Variants in ADARB2 observed in about 807,000 individuals in gnomAD.
The protein encoded by ADARB2 is adenosine deaminase RNA specific B2 (inactive).
In ADARB2, 25 loss-of-function variants were observed where a neutral mutation model predicts 62.2. That is an observed-to-expected ratio of 0.40 (90% CI 0.29 to 0.56). The LOEUF (loss-of-function observed/expected upper bound fraction) is 0.56, where lower values mean the gene tolerates loss of function less well. Ranked by LOEUF, ADARB2 falls within the 20% of genes least tolerant of loss-of-function variation. The pLI is 0.43. For synonymous variants in ADARB2, 572 were observed against 500.8 expected (o/e 1.14, Z -1.90); for missense variants, 1,071 against 1,077.4 (o/e 0.99, Z 0.08).
chr10:1,632,697 G>C (rs1438910415), intron 1 of ADARB2, among the ~76,000 whole-genome samples: 1 of 152,222 alleles, frequency 6.6e-6, no homozygotes, highest in Non-Finnish European at 1.5e-5. Context: ...CCCACTCACT[G>C]TGGGACTGCA....
chr10:1,607,954 C>G (rs1833514849), intron 1 of ADARB2, among the ~76,000 whole-genome samples: 1 of 152,202 alleles, frequency 6.6e-6, no homozygotes, highest in Admixed American at 6.5e-5. Context: ...GCTGTCTACC[C>G]ATCACACCCC....
At chr10:1,686,792 CAT>C (rs1387583143) in intron 1 of ADARB2, among the ~76,000 whole-genome samples, 1 of 152,148 alleles carries the variant, frequency 6.6e-6, no homozygotes, top group East Asian at 1.9e-4. Context: ...TTATAAGTAT[CAT>C]ATTAACATTA....
chr10:1,528,689 C>T lies in ADARB2; in HGVS notation c.101-149529G>A, dbSNP rs566910951. On this transcript the variant is annotated intron_variant, in intron 1 of 9. Transcript: ENST00000381312. ...TGCCCGTTGGGTGAGAAAGCCCTTT[C>T]CTGGACAGGTGATGCCCTTTGTAGT... 2.0e-5 allele frequency among the ~76,000 whole-genome samples: 3 copies of T among 152,298 alleles called. No individual in the cohort carries two copies. In the South Asian group the frequency reaches 6.2e-4, roughly 32 times the overall value.
At chr10:1,438,363 CAGCA>C (rs1830858489) in intron 1 of ADARB2, among the ~76,000 whole-genome samples, 1 of 144,792 alleles carries the variant, frequency 6.9e-6, no homozygotes, top group African/African-American at 2.7e-5. Context: ...TGAGTCTCCT[CAGCA>C]GATGGAAGGA....
chr10:1,566,932 A>T (rs1832867204), intron 1 of ADARB2, among the ~76,000 whole-genome samples: 1 of 152,250 alleles, frequency 6.6e-6, no homozygotes, highest in African/African-American at 2.4e-5. Context: ...GGAAGATCAG[A>T]AATGAAGAAG....
chr10:1,716,066 C>T lies in ADARB2; in HGVS notation c.100+20985G>A, dbSNP rs533711816. On this transcript the variant is annotated intron_variant, in intron 1 of 9. Transcript: ENST00000381312. Reference sequence around the variant, plus strand: ...GTTCCATCACGACTCATGCACACCTCCTGTGCACACTCCTCTCCCGATTGC... The same window carrying T: ...GTTCCATCACGACTCATGCACACCTTCTGTGCACACTCCTCTCCCGATTGC... Among the ~76,000 whole-genome samples the T allele has an allele frequency of 7.2e-5, 11 of 151,988 alleles. No homozygotes were observed. In the South Asian group the frequency reaches 2.3e-3, roughly 32 times the overall value.
At chr10:1,560,928 CTCTT>C (rs1388687679) in intron 1 of ADARB2, among the ~76,000 whole-genome samples, 1 of 152,196 alleles carries the variant, frequency 6.6e-6, no homozygotes, top group African/African-American at 2.4e-5. Flanking sequence ...AACCTTGCCT[CTCTT>C]TCTCCAGTGA....
chr10:1,280,559 TGCTCCGTGAAATTCCTAAGTGAC>T (rs1564245248), intron 3 of ADARB2, among the ~76,000 whole-genome samples: 49 of 151,210 alleles, frequency 3.2e-4, no homozygotes, highest in African/African-American at 8.6e-4. Context: ...TCCTAAGTGA[TGCTCCGTGAAATTCCTAAGTGAC>T]GCTCCGTGAA....
chr10:1,592,516 C>A (rs1833273282), intron 1 of ADARB2, among the ~76,000 whole-genome samples: 1 of 18,352 alleles, frequency 5.4e-5, no homozygotes, highest in African/African-American at 1.5e-4. Context: ...TTCCCTCGCC[C>A]AAGCCACCCT....
At chr10:1,485,593 A>C (rs1397532653) in intron 1 of ADARB2, among the ~76,000 whole-genome samples, 1 of 152,182 alleles carries the variant, frequency 6.6e-6, no homozygotes, top group Non-Finnish European at 1.5e-5. Context: ...TCTCGTCAGC[A>C]TAGTTGATGA....
chr10:1,520,542 C>A (rs1397910324), intron 1 of ADARB2, among the ~76,000 whole-genome samples: 1 of 152,178 alleles, frequency 6.6e-6, no homozygotes, highest in Non-Finnish European at 1.5e-5. Context: ...CTGATGATAA[C>A]TAAATCATTT....
chr10:1,241,289 GTGT>G (rs1830919810), intron 5 of ADARB2, among the ~76,000 whole-genome samples: 1 of 152,204 alleles, frequency 6.6e-6, no homozygotes, highest in South Asian at 2.1e-4. Flanking sequence ...GTGTGTTAAG[GTGT>G]TGTTTTCAGC....
rs186385503 is a variant in ADARB2, at chr10:1,249,523, A to T, written c.1193-7224T>A. On this transcript the variant is annotated intron_variant, in intron 4 of 9. Transcript: ENST00000381312. Reference sequence around the variant, plus strand: ...ACACTGATAAGGCATCTGACAAAATACAACAAATGCTTTTGATAAAACACT... The same window carrying T: ...ACACTGATAAGGCATCTGACAAAATTCAACAAATGCTTTTGATAAAACACT... Among the ~76,000 whole-genome samples the T allele has an allele frequency of 2.0e-3, 301 of 152,218 alleles. 1 individual carries two copies. The highest frequency in any genetic ancestry group is 5.0e-3 in the Admixed American group (77 of 15,284).
At chr10:1,551,763 G>A (rs1256246030) in intron 1 of ADARB2, among the ~76,000 whole-genome samples, 5 of 152,222 alleles carry the variant, frequency 3.3e-5, no homozygotes, top group East Asian at 1.9e-4. Context: ...CAGGTCCAGC[G>A]ATGGCCAAAT....
chr10:1,562,249 G>A (rs11591987), intron 1 of ADARB2, among the ~76,000 whole-genome samples: 32,577 of 151,758 alleles, frequency 0.21, 3,700 homozygotes, highest in Non-Finnish European at 0.24. Context: ...TCCTGTGAGC[G>A]TGTTCGGCTC....
At chr10:1,284,678 G>GT (rs1350172042) in intron 3 of ADARB2, among the ~76,000 whole-genome samples, 2 of 152,200 alleles carry the variant, frequency 1.3e-5, no homozygotes, top group African/African-American at 4.8e-5. Context: ...CAGAAATGGG[G>GT]TTGTTTCAGG....
At chr10:1,298,233 A>G (rs1020987485) in intron 3 of ADARB2, among the ~76,000 whole-genome samples, 1 of 152,244 alleles carries the variant, frequency 6.6e-6, no homozygotes, top group Non-Finnish European at 1.5e-5. Flanking sequence ...GAAAAAAATA[A>G]CACAAGTTTA....
At chr10:1,729,938 C>G (rs557658907) in intron 1 of ADARB2, among the ~76,000 whole-genome samples, 10 of 152,200 alleles carry the variant, frequency 6.6e-5, no homozygotes, top group Non-Finnish European at 1.5e-4. Flanking sequence ...GAATCAAAGA[C>G]TTCATCTCAA....
intron 7 of ADARB2, among the ~76,000 whole-genome samples, chr10:1,213,002 C>T (rs986737061): frequency 1.3e-5 from 2 of 152,132 alleles, no homozygotes; most frequent in South Asian, 2.1e-4. Flanking sequence ...TGGCAGCACT[C>T]GAGGAGGGAA....
Sources: allele counts gnomAD v4.1 joint callset (sites outside exome capture counted in the v4.1 genomes callset), GRCh38; gene constraint gnomAD v4.1.1; transcripts MANE v1.5; gene names NCBI Gene and HGNC (gene_info 2026-07-23, HGNC 2026-07-21).